Variants in KRAS observed in about 807,000 individuals in gnomAD.
The protein encoded by KRAS is KRas proto-oncogene, GTPase.
KRAS carries 1 observed loss-of-function variant against 21.0 expected under a neutral mutation model. That is an observed-to-expected ratio of 0.05 (90% CI 0.02 to 0.23). The LOEUF (loss-of-function observed/expected upper bound fraction) is 0.23, where lower values mean the gene tolerates loss of function less well. Among genes scored for constraint, KRAS ranks in the 10% least tolerant of loss-of-function variants. KRAS has a pLI of 1.00. For missense variants in KRAS, 107 were observed against 221.8 expected (o/e 0.48, Z 3.29); for synonymous variants, 67 against 72.5 (o/e 0.92, Z 0.39).
intron 2 of KRAS, among the ~76,000 whole-genome samples, chr12:25,230,661 T>G (rs915103662): frequency 4.6e-5 from 7 of 151,960 alleles, no homozygotes; most frequent in Admixed American, 1.3e-4. Flanking sequence ...TTATCTCTTT[T>G]CTTTGTACTA....
intron 1 of KRAS, among the ~76,000 whole-genome samples, chr12:25,249,872 A>C (rs1222017577): frequency 1.3e-5 from 2 of 152,338 alleles, no homozygotes; most frequent in East Asian, 3.9e-4. Context: ...ACTAGCAAGG[A>C]AAAAGCCTTG....
chr12:25,233,497 G>T (rs1951503323), intron 2 of KRAS, among the ~76,000 whole-genome samples: 1 of 122,608 alleles, frequency 8.2e-6, no homozygotes, highest in African/African-American at 2.5e-5. Context: ...GAAAATGAAT[G>T]AATGAATGAA....
intron 4 of KRAS, among the ~76,000 whole-genome samples, chr12:25,222,148 CAA>C (rs35438028): frequency 1.5e-4 from 20 of 129,728 alleles, no homozygotes; most frequent in African/African-American, 3.7e-4. Context: ...GACTCCGTCT[CAA>C]AAAAAAAAAA....
intron 1 of KRAS, among the ~76,000 whole-genome samples, chr12:25,248,406 C>T (rs1951715590): frequency 6.6e-6 from 1 of 151,444 alleles, no homozygotes. Flanking sequence ...GCCGAGATCG[C>T]GCCACTGCAT....
rs552131516 is a variant in KRAS, at chr12:25,226,086, T to C, written c.291-313A>G. Among the ~76,000 whole-genome samples, 3 of 152,292 alleles carry C rather than the reference T, an allele frequency of 2.0e-5. No individual in the cohort carries two copies. In the South Asian group the frequency reaches 6.2e-4, roughly 32 times the overall value. On this transcript the variant is annotated intron_variant, in intron 3 of 4. Transcript: ENST00000311936. ...AAAATTCTAGACCCAAAGTGCTATA[T>C]AACAGACTATAATTTTAGAAACGTA...
chr12:25,248,691 T>C (rs975575274), intron 1 of KRAS, among the ~76,000 whole-genome samples: 2 of 151,994 alleles, frequency 1.3e-5, no homozygotes, highest in African/African-American at 4.8e-5. Flanking sequence ...CAAAGGAGTC[T>C]TACCAAATGA....
rs1308197938 is a variant in KRAS, at chr12:25,207,250, A to G, written c.*2545T>C. 1 of 202,246 alleles carries G rather than the reference A, an allele frequency of 4.9e-6. No individual in the cohort carries two copies. Among genetic ancestry groups the G allele is most frequent in the Non-Finnish European group, 1.0e-5 (1 of 98,368 alleles). The allele number at this position is 202,246 out of a possible 1,614,324, so 12.5% of individuals were successfully genotyped here. A position where few individuals can be genotyped will look rare whatever the true frequency, so the allele number is the denominator to read the frequency against. ...CACTCAATAAATATTTGCTGAATAA[A>G]TGAGTTCTGCAAAACAGGTTTATGA... On this transcript the variant is annotated 3_prime_UTR_variant, in exon 5 of 5. Transcript: ENST00000311936.
At chr12:25,247,871 G>C (rs1951704730) in intron 1 of KRAS, among the ~76,000 whole-genome samples, 1 of 152,042 alleles carries the variant, frequency 6.6e-6, no homozygotes. Flanking sequence ...TTTTGGTTTT[G>C]TTTTGGAAAA....
chr12:25,238,502 A>T (rs1162194064), intron 2 of KRAS, among the ~76,000 whole-genome samples: 1 of 152,240 alleles, frequency 6.6e-6, no homozygotes, highest in African/African-American at 2.4e-5. Flanking sequence ...GGCTTGAAAA[A>T]TAAGCATGAA....
At chr12:25,224,498 T>A (rs1951366019) in intron 4 of KRAS, among the ~76,000 whole-genome samples, 1 of 152,028 alleles carries the variant, frequency 6.6e-6, no homozygotes, top group South Asian at 2.1e-4. Flanking sequence ...GAAAGAAAAA[T>A]TTGTATAGCT....
rs1951157002 is a variant in KRAS at position 25,207,951 on chromosome 12, A to G, written c.*1844T>C. The G allele has an allele frequency of 4.3e-6, 1 of 233,122 alleles. No homozygotes were observed. Among genetic ancestry groups the G allele is most frequent in the African/African-American group, 2.2e-5 (1 of 45,336 alleles). The allele number at this position is 233,122 out of a possible 1,614,324, so 14.4% of individuals were successfully genotyped here. ...ACAAGTATTAAAACTGCATCAAGTC[A>G]TGGGGCATGTGGAAGGTAGGGAGGC... On this transcript the variant is annotated 3_prime_UTR_variant, in exon 5 of 5. Transcript: ENST00000311936.
intron 4 of KRAS, among the ~76,000 whole-genome samples, chr12:25,222,957 A>T (rs1243126903): frequency 6.6e-6 from 1 of 152,186 alleles, no homozygotes; most frequent in Non-Finnish European, 1.5e-5. Flanking sequence ...TTTTCTACTC[A>T]AAGTATGGTC....
chr12:25,226,404 G>A (rs1166952849), intron 3 of KRAS, among the ~76,000 whole-genome samples: 6 of 152,142 alleles, frequency 3.9e-5, no homozygotes, highest in African/African-American at 9.7e-5. Context: ...GCAGACAACA[G>A]AGTCAGAATT....
chr12:25,238,253 A>G (rs1262746048), intron 2 of KRAS, among the ~76,000 whole-genome samples: 1 of 152,202 alleles, frequency 6.6e-6, no homozygotes, highest in African/African-American at 2.4e-5. Context: ...TTATATGACA[A>G]ATTTTGAAAA....
At chr12:25,211,204 T>C (rs1379532453) in intron 4 of KRAS, 2 of 152,192 alleles carry the variant, frequency 1.3e-5, no homozygotes, top group African/African-American at 2.4e-5. Flanking sequence ...TAGGATATTA[T>C]AAACTGTGTA....
In KRAS at chr12:25,207,111, G is replaced by A. The variant is rs1002613646; in HGVS notation, c.*2684C>T. 1.4e-5 allele frequency: 3 copies of A among 213,442 alleles called. No homozygotes were observed. Among genetic ancestry groups the A allele is most frequent in the Non-Finnish European group, 2.8e-5 (3 of 105,652 alleles). 13.2% of individuals were successfully genotyped at this position (213,442 alleles called of 1,614,324 possible). On this transcript the variant is annotated 3_prime_UTR_variant, in exon 5 of 5. Coordinates refer to ENST00000311936, the MANE Select transcript of KRAS (RefSeq NM_004985.5). ...TGTTATCTCTGGGTCGTATACCAAAGGCCTTAGTAAGATATTACAGACCAC... is the reference window on the plus strand; with the variant it reads ...TGTTATCTCTGGGTCGTATACCAAAAGCCTTAGTAAGATATTACAGACCAC...
chr12:25,212,649 T>C (rs374874780), intron 4 of KRAS, among the ~76,000 whole-genome samples: 1 of 152,338 alleles, frequency 6.6e-6, no homozygotes, highest in African/African-American at 2.4e-5. Flanking sequence ...TGAATTCTTT[T>C]TTTCTCATAT....
chr12:25,246,247 C>T (rs569819159), intron 1 of KRAS, among the ~76,000 whole-genome samples: 5 of 152,048 alleles, frequency 3.3e-5, no homozygotes, highest in South Asian at 2.1e-4. Flanking sequence ...CCTGTATCAC[C>T]GCTGCACAAA....
chr12:25,210,089 G>A (rs1051971336), intron 4 of KRAS, among the ~76,000 whole-genome samples, 178 bp from the exon 5 acceptor site: 2 of 152,086 alleles, frequency 1.3e-5, no homozygotes, highest in African/African-American at 4.8e-5. Context: ...ATCCGCATAG[G>A]TGTTTTGTCA....
Sources: gnomAD v4.1 joint callset for allele counts (sites outside exome capture counted in the v4.1 genomes callset) on GRCh38, gnomAD v4.1.1 for gene constraint, MANE v1.5 for transcripts, NCBI Gene and HGNC (gene_info 2026-07-23, HGNC 2026-07-21) for gene names.